The following ARHGAP40 variants were observed in gnomAD, a reference collection of about 807,000 sequenced individuals.
The protein encoded by ARHGAP40 is Rho GTPase activating protein 40.
A neutral mutation model predicts 73.5 loss-of-function variants in ARHGAP40; 43 were observed. The ratio of observed to expected loss-of-function variants is 0.58; its 90% CI spans 0.46 to 0.75. The LOEUF (loss-of-function observed/expected upper bound fraction) is 0.75. Ranked by LOEUF, ARHGAP40 falls within the 30% of genes least tolerant of loss-of-function variation. The pLI, the probability that ARHGAP40 is intolerant of heterozygous loss-of-function variation, is 0.00. For missense variants in ARHGAP40, 734 were observed against 861.8 expected, an observed-to-expected ratio of 0.85 and a Z score of 1.86; for synonymous variants, 300 against 352.8, an observed-to-expected ratio of 0.85 and a Z score of 1.68.
exon 1 of ARHGAP40, chr20:38,601,923 G>C (rs1433469087): frequency 7.8e-7 from 1 of 1,287,502 alleles, no homozygotes; most frequent in African/African-American, 1.5e-5. Context: ...GACCGACCGG[G>C]ATCCTCGAGG....
chr20:38,623,124 C>A (rs1421608470), intron 1 of ARHGAP40, among the ~76,000 whole-genome samples: 1 of 152,220 alleles, frequency 6.6e-6, no homozygotes, highest in East Asian at 1.9e-4. Context: ...AAGGTGGAAG[C>A]AAGCAGAGCA....
At position 38,647,014 on chromosome 20, in the gene ARHGAP40, C is replaced by A. The variant is rs1006354500; in HGVS notation, c.1768C>A (p.Pro590Thr). ...GCCTATCAAGGACCCCTTGAAGGTG[C>A]CTCTCACCCCCAGCACCAAAGTGGC... Residue 590 changes from proline (P) to threonine (T), a missense_variant, in exon 13 of 15, where the codon CCT becomes ACT. Pro to Thr is a conservative substitution (Grantham distance 38). Transcript: ENST00000373345. The A allele has an allele frequency of 2.4e-5, 31 of 1,305,382 alleles. No homozygotes were observed. The highest frequency in any genetic ancestry group is 2.3e-4 in the Admixed American group (10 of 43,560). The allele number at this position is 1,305,382 out of a possible 1,614,324, so 80.9% of individuals were successfully genotyped here. A position where few individuals can be genotyped will look rare whatever the true frequency, so the allele number is the denominator to read the frequency against.
chr20:38,643,946 G>A (rs419162), intron 11 of ARHGAP40, 36 bp downstream of exon 11: 644,459 of 1,259,080 alleles, frequency 0.51, 166,333 homozygotes, highest in East Asian at 0.59. Flanking sequence ...CCCTCTGGGT[G>A]CAGCTGCCGT....
intron 8 of ARHGAP40, 68 bp downstream of exon 8, chr20:38,638,906 G>T: frequency 8.0e-7 from 1 of 1,256,882 alleles, no homozygotes; most frequent in Non-Finnish European, 1.1e-6. Flanking sequence ...TGTTAAGCCG[G>T]GAGGGAAACC....
chr20:38,603,037 G>A (rs2088745050), intron 1 of ARHGAP40, among the ~76,000 whole-genome samples: 1 of 152,222 alleles, frequency 6.6e-6, no homozygotes, highest in African/African-American at 2.4e-5. Flanking sequence ...TAAAAGGAAT[G>A]TTAGAATCTG....
chr20:38,601,920 C>A (rs1408433915), exon 1 of ARHGAP40: 1 of 1,287,536 alleles, frequency 7.8e-7, no homozygotes, highest in East Asian at 5.6e-5. Flanking sequence ...CACGACCGAC[C>A]GGGATCCTCG....
At position 38,620,754 on chromosome 20, in the gene ARHGAP40, G is replaced by A. The variant is rs2088869515; in HGVS notation, c.138-2605G>A. 2.6e-5 allele frequency among the ~76,000 whole-genome samples: 4 copies of A among 152,308 alleles called. No individual in the cohort carries two copies. The South Asian group carries it at 8.3e-4, about 32-fold the overall frequency. On this transcript the variant is annotated intron_variant, in intron 1 of 14. Transcript: ENST00000373345. The stretch of plus-strand genomic sequence containing the variant: ...GCCGGAGCCGTTGCCAGGAGGTTGT[G>A]CCCTGTCCCTTCCTTCAGGCTCTGG...
intron 13 of ARHGAP40, among the ~76,000 whole-genome samples, chr20:38,647,923 C>T (rs2089064416): frequency 6.6e-6 from 1 of 152,228 alleles, no homozygotes; most frequent in Non-Finnish European, 1.5e-5. Flanking sequence ...GCACAGAAAA[C>T]TGCACAGTAA....
chr20:38,627,600 C>T (rs220539), intron 3 of ARHGAP40, among the ~76,000 whole-genome samples: 98,953 of 132,732 alleles, frequency 0.75, 36,169 homozygotes, highest in African/African-American at 0.92. Flanking sequence ...TTGGGGTGTG[C>T]GTTGGTGTGT....
chr20:38,634,670 G>A (rs2088961988), exon 6 of ARHGAP40: 2 of 1,305,290 alleles, frequency 1.5e-6, no homozygotes, highest in African/African-American at 1.5e-5. Context: ...TAGGAGACTT[G>A]TCCCTGCAGG....
chr20:38,620,024 A>T (rs1015849506), intron 1 of ARHGAP40, among the ~76,000 whole-genome samples: 1 of 152,190 alleles, frequency 6.6e-6, no homozygotes, highest in Non-Finnish European at 1.5e-5. Context: ...GTGAGCTATG[A>T]TCGCGCCATT....
chr20:38,638,572 G>C (rs957042209), intron 7 of ARHGAP40, among the ~76,000 whole-genome samples, 189 bp from the exon 8 acceptor site: 1 of 152,146 alleles, frequency 6.6e-6, no homozygotes, highest in Non-Finnish European at 1.5e-5. Flanking sequence ...ATGATTAAAT[G>C]AGAAAAATGT....
At chr20:38,647,799 C>T (rs2089063931) in intron 13 of ARHGAP40, among the ~76,000 whole-genome samples, 2 of 151,762 alleles carry the variant, frequency 1.3e-5, no homozygotes, top group Non-Finnish European at 2.9e-5. Flanking sequence ...AGCAGATAGT[C>T]ACGAATCAAA....
chr20:38,640,251 C>G (rs62201573), intron 9 of ARHGAP40, among the ~76,000 whole-genome samples: 1,804 of 138,860 alleles, frequency 0.013, 15 homozygotes, highest in Middle Eastern at 0.026. Context: ...GGGTCTTGCT[C>G]TGTCACCCAG....
rs2088873512 is a variant in ARHGAP40 at position 38,621,518 on chromosome 20, G to A, written c.138-1841G>A. 3.3e-5 allele frequency among the ~76,000 whole-genome samples: 5 copies of A among 152,174 alleles called. No individual in the cohort carries two copies. The South Asian group carries it at 1.0e-3, about 31-fold the overall frequency. ...CTTGTGGGGCTGGTGGAGGACTTGA[G>A]TTCTGTGTCTTGGCTGACATGAGCC... On this transcript the variant is annotated intron_variant, in intron 1 of 14. Transcript: ENST00000373345.
exon 9 of ARHGAP40, chr20:38,639,362 C>T: frequency 7.7e-7 from 1 of 1,305,546 alleles, no homozygotes; most frequent in South Asian, 1.2e-5. Context: ...GGCTGAGTAC[C>T]TCCCGGCCTT....
At chr20:38,616,347 A>G (rs1179429491) in intron 1 of ARHGAP40, among the ~76,000 whole-genome samples, 1 of 152,168 alleles carries the variant, frequency 6.6e-6, no homozygotes, top group Non-Finnish European at 1.5e-5. Context: ...CCCAACAACA[A>G]TTATGGGACA....
At chr20:38,615,024 G>T in intron 1 of ARHGAP40, 1 of 1,155,932 alleles carries the variant, frequency 8.7e-7, no homozygotes, top group Non-Finnish European at 1.3e-6. Context: ...CTCCATCAAG[G>T]TCAAGTTATC....
At chr20:38,603,455 A>ATCTATCTGTCTG (rs922899942) in intron 1 of ARHGAP40, among the ~76,000 whole-genome samples, 54 of 126,892 alleles carry the variant, frequency 4.3e-4, no homozygotes, top group African/African-American at 1.4e-3. Flanking sequence ...CTATCTATCT[A>ATCTATCTGTCTG]TCTATCTATT....
Sources: allele counts gnomAD v4.1 joint callset (sites outside exome capture counted in the v4.1 genomes callset), GRCh38; gene constraint gnomAD v4.1.1; transcripts MANE v1.5; gene names NCBI Gene and HGNC (gene_info 2026-07-23, HGNC 2026-07-21).